PLCL1: variants seen among roughly 807,000 people sequenced by gnomAD.
The protein encoded by PLCL1 is inactive phospholipase C-like protein 1.
PLCL1 carries 41 observed loss-of-function variants against 84.4 expected under a neutral mutation model. The ratio of observed to expected loss-of-function variants is 0.49; its 90% CI spans 0.38 to 0.63. The LOEUF is 0.63. Ranked by LOEUF, PLCL1 falls within the 30% of genes least tolerant of loss-of-function variation. The pLI, the probability that PLCL1 is intolerant of heterozygous loss-of-function variation, is 0.00. For missense variants in PLCL1, 1,206 were observed against 1,367.8 expected (o/e 0.88, Z 1.87); for synonymous variants, 490 against 488.3 (o/e 1.00, Z -0.05).
At chr2:198,050,622 T>A (rs1361390736) in intron 1 of PLCL1, among the ~76,000 whole-genome samples, 1 of 152,254 alleles carries the variant, frequency 6.6e-6, no homozygotes, top group Non-Finnish European at 1.5e-5. Flanking sequence ...ACAAATATTT[T>A]AAAATATGTC....
intron 5 of PLCL1, among the ~76,000 whole-genome samples, chr2:198,105,512 T>A (rs368075016): frequency 6.6e-6 from 1 of 151,856 alleles, no homozygotes; most frequent in East Asian, 1.9e-4. Context: ...GGGAGCTGCA[T>A]ACTGGAATTA....
intron 1 of PLCL1, among the ~76,000 whole-genome samples, chr2:198,046,974 T>C (rs75317991): frequency 0.01 from 1,538 of 152,268 alleles, 28 homozygotes; most frequent in African/African-American, 0.035. Context: ...AGCATACTAA[T>C]GTAGTAGGAT....
At chr2:198,057,618 A>G (rs1692099683) in intron 1 of PLCL1, among the ~76,000 whole-genome samples, 1 of 152,192 alleles carries the variant, frequency 6.6e-6, no homozygotes, top group Non-Finnish European at 1.5e-5. Flanking sequence ...TTCTGTATAT[A>G]TGCTCACTTC....
chr2:198,061,479 G>A (rs1692197882), intron 1 of PLCL1, among the ~76,000 whole-genome samples: 1 of 152,084 alleles, frequency 6.6e-6, no homozygotes, highest in Admixed American at 6.5e-5. Flanking sequence ...TTGCCTAAGA[G>A]GGGAAGGAAG....
At chr2:198,046,384 A>T (rs1053695644) in intron 1 of PLCL1, among the ~76,000 whole-genome samples, 1 of 152,228 alleles carries the variant, frequency 6.6e-6, no homozygotes, top group African/African-American at 2.4e-5. Flanking sequence ...GGAGAAAGAA[A>T]CCTGGCCGAA....
At chr2:198,125,986 A>G (rs1693974834) in intron 5 of PLCL1, among the ~76,000 whole-genome samples, 1 of 152,124 alleles carries the variant, frequency 6.6e-6, no homozygotes, top group Admixed American at 6.5e-5. Flanking sequence ...GTCAACATAT[A>G]TTTTCTTTAG....
At chr2:198,061,394 A>T in intron 1 of PLCL1, among the ~76,000 whole-genome samples, 1 of 152,276 alleles carries the variant, frequency 6.6e-6, no homozygotes, top group African/African-American at 2.4e-5. Flanking sequence ...CACATTATAA[A>T]GGGATGTTAA....
chr2:198,104,850 C>T (rs532084375), intron 5 of PLCL1, among the ~76,000 whole-genome samples: 6 of 151,972 alleles, frequency 3.9e-5, no homozygotes, highest in South Asian at 2.1e-4. Flanking sequence ...TGTCTGTTCA[C>T]GTCCTTTGCC....
At chr2:197,948,737 A>G (rs1689330364) in intron 1 of PLCL1, among the ~76,000 whole-genome samples, 1 of 152,180 alleles carries the variant, frequency 6.6e-6, no homozygotes, top group South Asian at 2.1e-4. Flanking sequence ...ATCATATTGT[A>G]TAGGGAACAT....
In PLCL1 at chr2:198,103,832, G is replaced by C; in HGVS notation, c.3001G>C (p.Glu1001Gln). Residue 1001 changes from glutamate to glutamine, a missense_variant, in exon 5 of 6, where the codon GAG becomes CAG. Physicochemically the swap from Glu to Gln is conservative, Grantham distance 29 (BLOSUM62 2). Transcript: ENST00000428675. ...TATGCATTCTTTCTTCAAAGGGATG[G>C]AGTTCCATGAAGAACTTCATAATTT... is the stretch of plus-strand genomic sequence containing the variant. ...KIVQCQKAGM[E>Q]FHEELHNLGA... 1 of 1,573,788 alleles carries C rather than the reference G, an allele frequency of 6.4e-7. No homozygotes were observed. Among genetic ancestry groups the C allele is most frequent in the African/African-American group, 1.4e-5 (1 of 73,768 alleles).
intron 1 of PLCL1, among the ~76,000 whole-genome samples, chr2:197,900,526 G>A (rs570242131): frequency 6.6e-6 from 1 of 152,320 alleles, no homozygotes; most frequent in South Asian, 2.1e-4. Flanking sequence ...TGCAGAAGAT[G>A]CTGTGGGTCT....
At chr2:198,126,630 C>T (rs186526349) in intron 5 of PLCL1, among the ~76,000 whole-genome samples, 41 of 152,140 alleles carry the variant, frequency 2.7e-4, no homozygotes, top group Admixed American at 1.6e-3. Context: ...CCAGGCCAAG[C>T]GCGGTGGCTC....
chr2:198,056,926 A>G (rs1255270670), intron 1 of PLCL1, among the ~76,000 whole-genome samples: 1 of 152,118 alleles, frequency 6.6e-6, no homozygotes, highest in Non-Finnish European at 1.5e-5. Context: ...GCTATCCACA[A>G]CCTTGATTTG....
chr2:197,963,829 T>A (rs886331900), intron 1 of PLCL1, among the ~76,000 whole-genome samples: 1 of 152,088 alleles, frequency 6.6e-6, no homozygotes, highest in Non-Finnish European at 1.5e-5. Context: ...TTTCCCAGCA[T>A]CATTTATTGA....
intron 5 of PLCL1, among the ~76,000 whole-genome samples, chr2:198,145,357 C>T (rs955508808): frequency 1.3e-5 from 2 of 152,146 alleles, no homozygotes; most frequent in Non-Finnish European, 2.9e-5. Flanking sequence ...AATCTCTAGT[C>T]TTTAGTCTCA....
At chr2:198,112,937 G>A (rs1466349634) in intron 5 of PLCL1, among the ~76,000 whole-genome samples, 1 of 151,802 alleles carries the variant, frequency 6.6e-6, no homozygotes, top group East Asian at 1.9e-4. Context: ...GGGAGAGAAT[G>A]GATGGATCAC....
intron 1 of PLCL1, among the ~76,000 whole-genome samples, chr2:198,066,919 C>T (rs1692334158): frequency 6.6e-6 from 1 of 152,158 alleles, no homozygotes. Flanking sequence ...TATTTTCTTT[C>T]AGAGCAGTTC....
At chr2:197,992,043 ATTT>A (rs112631242) in intron 1 of PLCL1, among the ~76,000 whole-genome samples, 2 of 142,084 alleles carry the variant, frequency 1.4e-5, no homozygotes, top group African/African-American at 5.1e-5. Context: ...CTCAGCATTC[ATTT>A]TTTTTTTTTA....
At chr2:197,872,432 A>T (rs1230144264) in intron 1 of PLCL1, among the ~76,000 whole-genome samples, 1 of 152,144 alleles carries the variant, frequency 6.6e-6, no homozygotes, top group African/African-American at 2.4e-5. Context: ...TGTAGGCATC[A>T]ATGCCAACCA....
Sources: allele counts gnomAD v4.1 joint callset (sites outside exome capture counted in the v4.1 genomes callset), GRCh38; gene constraint gnomAD v4.1.1; transcripts MANE v1.5; gene names NCBI Gene and HGNC (gene_info 2026-07-23, HGNC 2026-07-21).